Variants in SCCPDH observed in about 807,000 individuals in gnomAD.
The protein encoded by SCCPDH is saccharopine dehydrogenase-like oxidoreductase.
In SCCPDH, 34 loss-of-function variants were observed where a neutral mutation model predicts 51.5. The ratio of observed to expected loss-of-function variants is 0.66; its 90% confidence interval spans 0.50 to 0.88. The LOEUF (loss-of-function observed/expected upper bound fraction) is 0.88, where lower values mean the gene tolerates loss of function less well. Among genes scored for constraint, SCCPDH ranks in the 40% least tolerant of loss-of-function variants. The pLI is 0.00. For synonymous variants in SCCPDH, 187 were observed against 191.3 expected (o/e 0.98, Z 0.19); for missense variants, 464 against 527.1 (o/e 0.88, Z 1.17).
At chr1:246,752,698 G>A (rs1668867221) in intron 5 of SCCPDH, among the ~76,000 whole-genome samples, 1 of 151,922 alleles carries the variant, frequency 6.6e-6, no homozygotes, top group South Asian at 2.1e-4. Flanking sequence ...GGATGAATGT[G>A]TTCTTTGTCT....
At chr1:246,764,197 GA>G in intron 9 of SCCPDH, 48 bp from the exon 10 acceptor site, 1 of 1,116,054 alleles carries the variant, frequency 9.0e-7, no homozygotes, top group Middle Eastern at 2.0e-4. Context: ...TATGTTCCAG[GA>G]GGAAATGACG....
intron 2 of SCCPDH, among the ~76,000 whole-genome samples, chr1:246,734,841 G>A (rs1246652736): frequency 2.0e-5 from 3 of 152,194 alleles, no homozygotes; most frequent in African/African-American, 7.2e-5. Context: ...ACTGAATTCT[G>A]ATGTATTAGC....
chr1:246,759,483 T>G (rs1668980920), intron 7 of SCCPDH, among the ~76,000 whole-genome samples: 1 of 152,182 alleles, frequency 6.6e-6, no homozygotes, highest in Non-Finnish European at 1.5e-5. Context: ...CTGGAACCCT[T>G]TCTGTCCCCT....
intron 3 of SCCPDH, among the ~76,000 whole-genome samples, chr1:246,738,709 C>T (rs952784270): frequency 6.6e-6 from 1 of 151,996 alleles, no homozygotes; most frequent in South Asian, 2.1e-4. Context: ...AGAAAATTAG[C>T]TGGGCGTGGT....
At position 246,744,107 on chromosome 1, in the gene SCCPDH, TATACA is replaced by T; in HGVS notation, c.547_551del (p.Ile183PhefsTer4). On this transcript the variant is annotated frameshift_variant, in exon 5 of 12. Coordinates refer to ENST00000366510, the MANE Select transcript of SCCPDH (RefSeq NM_016002.3). LOFTEE classifies it high-confidence loss of function. Reference sequence around the variant, plus strand: ...TGACTGCTGTGGAAAGTTTCCTGACTATACATTCAGGACCTGAGGTTGGTTTTTTG... The same window carrying T: ...TGACTGCTGTGGAAAGTTTCCTGACTTTCAGGACCTGAGGTTGGTTTTTTG... 1 of 1,603,308 alleles carries T rather than the reference TATACA, an allele frequency of 6.2e-7. No individual in the cohort carries two copies. Among genetic ancestry groups the T allele is most frequent in the South Asian group, 1.1e-5 (1 of 90,160 alleles).
At position 246,752,194 on chromosome 1, in the gene SCCPDH, C is replaced by T. The variant is rs528278536; in HGVS notation, c.565-6032C>T. The stretch of plus-strand genomic sequence containing the variant: ...CACAAGATTAGAAGTTAGGATCATA[C>T]ATGTTAGACTTAACTTTTAGCAAAC... On this transcript the variant is annotated intron_variant, in intron 5 of 11. Transcript: ENST00000366510. Among the ~76,000 whole-genome samples the T allele has an allele frequency of 5.9e-5, 9 of 152,252 alleles. No homozygotes were observed. The South Asian group carries it at 1.9e-3, about 32-fold the overall frequency.
At chr1:246,763,776 A>G (rs1012361071) in intron 9 of SCCPDH, among the ~76,000 whole-genome samples, 1 of 152,084 alleles carries the variant, frequency 6.6e-6, no homozygotes, top group Non-Finnish European at 1.5e-5. Context: ...TGAATTCTTT[A>G]TCACCTCATT....
intron 2 of SCCPDH, among the ~76,000 whole-genome samples, chr1:246,727,508 A>G (rs1668421399): frequency 6.6e-6 from 1 of 152,236 alleles, no homozygotes; most frequent in Admixed American, 6.5e-5. Flanking sequence ...CCTCGTGGAC[A>G]TTACGTTCTT....
At chr1:246,733,462 CTATA>C (rs1318680418) in intron 2 of SCCPDH, among the ~76,000 whole-genome samples, 1 of 148,448 alleles carries the variant, frequency 6.7e-6, no homozygotes, top group African/African-American at 2.5e-5. Context: ...TATATGGCCT[CTATA>C]TATAGTCCGT....
chr1:246,744,576 C>G (rs1357942606), intron 5 of SCCPDH, among the ~76,000 whole-genome samples: 2 of 152,084 alleles, frequency 1.3e-5, no homozygotes, highest in African/African-American at 4.8e-5. Flanking sequence ...CCACCTCAGC[C>G]TCCCAAAGTG....
At chr1:246,761,021 A>G (rs1358996626) in intron 9 of SCCPDH, among the ~76,000 whole-genome samples, 2 of 152,028 alleles carry the variant, frequency 1.3e-5, no homozygotes, top group Non-Finnish European at 2.9e-5. Context: ...CTACTCTCAG[A>G]CCTATCATCA....
intron 2 of SCCPDH, among the ~76,000 whole-genome samples, chr1:246,734,989 T>C (rs1429351161): frequency 6.6e-6 from 1 of 152,216 alleles, no homozygotes; most frequent in Non-Finnish European, 1.5e-5. Context: ...TTCTTCCTGT[T>C]GGTTTGTTTT....
chr1:246,764,094 C>G lies in SCCPDH; in HGVS notation c.991-152C>G, dbSNP rs1053162646. The G allele has an allele frequency of 3.8e-5, 20 of 520,050 alleles. 1 individual carries two copies. The highest frequency in any genetic ancestry group is 9.8e-5 in the African/African-American group (5 of 51,000). 32.2% of individuals were successfully genotyped at this position (520,050 alleles called of 1,614,324 possible). On this transcript the variant is annotated intron_variant, in intron 9 of 11. Coordinates refer to ENST00000366510, the MANE Select transcript of SCCPDH (RefSeq NM_016002.3). ...CAGCTTCAAAGAATTAGTTTTCGCT[C>G]CCTGCTTAAATGATGACGGGATATT...
chr1:246,765,909 T>C, intron 10 of SCCPDH, 149 bp from the exon 11 acceptor site: 1 of 611,500 alleles, frequency 1.6e-6, no homozygotes. Context: ...ATACTTTCGA[T>C]ATGTTATTTT....
chr1:246,753,784 G>A (rs367944978), intron 5 of SCCPDH, among the ~76,000 whole-genome samples: 1 of 151,720 alleles, frequency 6.6e-6, no homozygotes, highest in Non-Finnish European at 1.5e-5. Context: ...TCTATCTCAC[G>A]CTGAAGTCCT....
chr1:246,740,180 A>G lies in SCCPDH; in HGVS notation c.393A>G (p.Glu131=), dbSNP rs756133396. Residue 131 remains glutamate (E), a synonymous_variant, in exon 4 of 12, where the codon GAA becomes GAG. Coordinates refer to ENST00000366510, the MANE Select transcript of SCCPDH (RefSeq NM_016002.3). ...IDISGEPQFL[E]LMQLKYHEKA... is the part of the protein sequence containing the mutation. ...TATCCTGGATTTTTTAGTTTCTGGAACTAATGCAACTGAAGTATCATGAGA... is the reference window on the plus strand; with the variant it reads ...TATCCTGGATTTTTTAGTTTCTGGAGCTAATGCAACTGAAGTATCATGAGA... 2 of 1,584,836 alleles carry G rather than the reference A, an allele frequency of 1.3e-6. No individual in the cohort carries two copies. Among genetic ancestry groups the G allele is most frequent in the East Asian group, 4.5e-5 (2 of 44,424 alleles).
intron 5 of SCCPDH, among the ~76,000 whole-genome samples, chr1:246,745,880 G>A (rs536471996): frequency 2.8e-4 from 42 of 151,842 alleles, no homozygotes; most frequent in Admixed American, 2.0e-3. Flanking sequence ...AGGCCGAGGC[G>A]GGCAGATCAC....
intron 5 of SCCPDH, among the ~76,000 whole-genome samples, chr1:246,745,924 C>T (rs1199794160): frequency 2.0e-4 from 31 of 151,762 alleles, no homozygotes; most frequent in Admixed American, 1.4e-3. Flanking sequence ...CTGGCTAACA[C>T]GGTGAAACCC....
chr1:246,729,014 G>T (rs1259974335), intron 2 of SCCPDH, among the ~76,000 whole-genome samples: 1 of 152,188 alleles, frequency 6.6e-6, no homozygotes, highest in Admixed American at 6.5e-5. Flanking sequence ...TTGTTGACAG[G>T]TTCCGTGGTG....
Sources: gnomAD v4.1 joint callset for allele counts (sites outside exome capture counted in the v4.1 genomes callset) on GRCh38, gnomAD v4.1.1 for gene constraint, MANE v1.5 for transcripts, NCBI Gene and HGNC (gene_info 2026-07-23, HGNC 2026-07-21) for gene names.